Variants in GRIA1 observed in about 807,000 individuals in gnomAD.
GRIA1 encodes glutamate ionotropic receptor AMPA type subunit 1, also known as glutamate receptor 1.
In GRIA1, 31 loss-of-function variants were observed where a neutral mutation model predicts 99.2. The observed-to-expected ratio is 0.31, with a 90% CI of 0.23 to 0.42. The LOEUF (loss-of-function observed/expected upper bound fraction) is 0.42, where lower values mean the gene tolerates loss of function less well. GRIA1 is among the 10% of genes least tolerant of loss of function. GRIA1 has a pLI of 1.00. For missense variants in GRIA1, 782 were observed against 1,157.5 expected (o/e 0.68, Z 4.71); for synonymous variants, 438 against 432.4 (o/e 1.01, Z -0.16).
At chr5:153,727,596 G>A (rs1760657603) in intron 11 of GRIA1, among the ~76,000 whole-genome samples, 3 of 151,934 alleles carry the variant, frequency 2.0e-5, no homozygotes, top group African/African-American at 7.3e-5. Context: ...CCAATAACAG[G>A]CAAACAGAGA....
intron 11 of GRIA1, among the ~76,000 whole-genome samples, chr5:153,723,743 G>C (rs576719816): frequency 5.5e-4 from 84 of 151,776 alleles, no homozygotes; most frequent in Non-Finnish European, 7.5e-4. Context: ...CAGCCAGGAA[G>C]CTCGAACTGG....
chr5:153,801,860 G>A (rs1766049071), intron 14 of GRIA1, among the ~76,000 whole-genome samples: 1 of 137,168 alleles, frequency 7.3e-6, no homozygotes, highest in Non-Finnish European at 1.5e-5. Context: ...CTAGGGGAAA[G>A]TTCATTGTAA....
intron 2 of GRIA1, among the ~76,000 whole-genome samples, chr5:153,616,812 A>C (rs555186869): frequency 6.6e-6 from 1 of 152,238 alleles, no homozygotes; most frequent in Non-Finnish European, 1.5e-5. Context: ...GGCTATTAAG[A>C]TATCTGTCTC....
chr5:153,569,468 T>C (rs2149361045), intron 2 of GRIA1, among the ~76,000 whole-genome samples: 1 of 152,376 alleles, frequency 6.6e-6, no homozygotes, highest in South Asian at 2.1e-4. Flanking sequence ...GACCAAGCTC[T>C]GTTCCGGGTG....
At chr5:153,657,151 A>G (rs539423541) in intron 5 of GRIA1, among the ~76,000 whole-genome samples, 17 of 152,308 alleles carry the variant, frequency 1.1e-4, no homozygotes, top group African/African-American at 4.1e-4. Flanking sequence ...TATTATGAAT[A>G]ATGCTGCTAT....
chr5:153,551,937 A>C (rs1181206644), intron 2 of GRIA1, among the ~76,000 whole-genome samples: 1 of 152,180 alleles, frequency 6.6e-6, no homozygotes, highest in African/African-American at 2.4e-5. Flanking sequence ...CCTTCAAGAA[A>C]GAAGGCAGAG....
chr5:153,654,950 C>A (rs186619382), intron 4 of GRIA1, among the ~76,000 whole-genome samples: 1 of 152,172 alleles, frequency 6.6e-6, no homozygotes, highest in African/African-American at 2.4e-5. Flanking sequence ...GCAGTTCTTT[C>A]CACAAATATT....
chr5:153,546,676 C>T (rs998789884), intron 2 of GRIA1, among the ~76,000 whole-genome samples: 2 of 152,134 alleles, frequency 1.3e-5, no homozygotes, highest in Admixed American at 6.6e-5. Flanking sequence ...ATTATAAGTG[C>T]CAAAGTCAGG....
At chr5:153,746,653 A>C (rs958905495) in intron 11 of GRIA1, among the ~76,000 whole-genome samples, 9 of 152,148 alleles carry the variant, frequency 5.9e-5, no homozygotes, top group African/African-American at 1.9e-4. Context: ...GCAGATAGTA[A>C]GAGCTCTGGG....
intron 11 of GRIA1, among the ~76,000 whole-genome samples, chr5:153,763,789 CT>C (rs1202639101): frequency 6.6e-6 from 1 of 152,256 alleles, no homozygotes; most frequent in East Asian, 1.9e-4. Context: ...TCATATTTGC[CT>C]TTTTTTATCT....
intron 12 of GRIA1, among the ~76,000 whole-genome samples, chr5:153,766,587 G>A (rs1369894867): frequency 6.6e-6 from 1 of 152,140 alleles, no homozygotes; most frequent in Non-Finnish European, 1.5e-5. Flanking sequence ...CAAGTGTCAG[G>A]GGTGGGTACC....
intron 2 of GRIA1, among the ~76,000 whole-genome samples, chr5:153,509,346 A>G (rs1374720320): frequency 6.6e-6 from 1 of 152,140 alleles, no homozygotes; most frequent in Non-Finnish European, 1.5e-5. Context: ...AAGAAAACAG[A>G]CCATTTTCCA....
intron 2 of GRIA1, among the ~76,000 whole-genome samples, chr5:153,589,886 C>T (rs1363164372): frequency 6.6e-6 from 1 of 152,156 alleles, no homozygotes; most frequent in African/African-American, 2.4e-5. Context: ...AATATTCACG[C>T]AGCGCACAGT....
chr5:153,809,624 G>C (rs978404093), intron 15 of GRIA1, among the ~76,000 whole-genome samples: 3 of 152,210 alleles, frequency 2.0e-5, no homozygotes, highest in African/African-American at 7.2e-5. Context: ...TGGATCCTAG[G>C]TGGTTGGTGT....
At chr5:153,568,044 G>GT (rs1227689504) in intron 2 of GRIA1, among the ~76,000 whole-genome samples, 1 of 152,088 alleles carries the variant, frequency 6.6e-6, no homozygotes, top group Non-Finnish European at 1.5e-5. Context: ...TTTTGTTGTT[G>GT]TTTTTGCTCA....
At chr5:153,704,075 G>A (rs1198234784) in intron 10 of GRIA1, among the ~76,000 whole-genome samples, 7 of 152,208 alleles carry the variant, frequency 4.6e-5, no homozygotes, top group Non-Finnish European at 1.5e-5. Flanking sequence ...ATTAATTAAT[G>A]GAAAGTTTCT....
chr5:153,742,748 A>ATATCT (rs1342455878), intron 11 of GRIA1, among the ~76,000 whole-genome samples: 7 of 152,104 alleles, frequency 4.6e-5, no homozygotes, highest in Non-Finnish European at 1.0e-4. Context: ...CTCATGCTTT[A>ATATCT]TATCTTTCCT....
intron 13 of GRIA1, among the ~76,000 whole-genome samples, chr5:153,781,324 C>A (rs562224159): frequency 7.9e-5 from 12 of 151,928 alleles, no homozygotes; most frequent in Non-Finnish European, 1.6e-4. Flanking sequence ...ATTCTTTATT[C>A]CCATGGGAAT....
intron 11 of GRIA1, among the ~76,000 whole-genome samples, chr5:153,724,668 G>A (rs1437061936): frequency 5.3e-5 from 8 of 149,948 alleles, no homozygotes; most frequent in South Asian, 4.3e-4. Flanking sequence ...TGAAATGAAT[G>A]AAATGAAGCG....
Sources: allele counts gnomAD v4.1 joint callset (sites outside exome capture counted in the v4.1 genomes callset), GRCh38; gene constraint gnomAD v4.1.1; transcripts MANE v1.5; gene names NCBI Gene and HGNC (gene_info 2026-07-23, HGNC 2026-07-21).